The following CRYGA variants were observed in gnomAD, a reference collection of about 807,000 sequenced individuals.
CRYGA encodes the protein crystallin gamma A.
In CRYGA, 11 loss-of-function variants were observed where a neutral mutation model predicts 13.8. That is an observed-to-expected ratio of 0.80 (90% confidence interval 0.50 to 1.32). The LOEUF is 1.32. Among genes scored for constraint, CRYGA ranks in the 40% most tolerant of loss-of-function variants. The pLI, the probability that CRYGA is intolerant of heterozygous loss-of-function variation, is 0.00. For synonymous variants in CRYGA, 97 were observed against 89.3 expected, an observed-to-expected ratio of 1.09 and a Z score of -0.48; for missense variants, 271 against 234.1, an observed-to-expected ratio of 1.16 and a Z score of -1.03.
chr2:208,163,525 G>T (rs778898033), intron 1 of CRYGA, 23 bp downstream of exon 1: 9 of 1,611,200 alleles, frequency 5.6e-6, no homozygotes, highest in Non-Finnish European at 7.6e-6. Flanking sequence ...AATAGACATG[G>T]CACAGCACCT....
chr2:208,162,059 C>T (rs1208257013), intron 2 of CRYGA, among the ~76,000 whole-genome samples: 1 of 152,110 alleles, frequency 6.6e-6, no homozygotes, highest in African/African-American at 2.4e-5. Flanking sequence ...GTCTTAGCCT[C>T]CTGCTTAGCT....
Position 208,160,880 on chromosome 2 carries a change from TC to T in CRYGA, c.448del (p.Asp150ThrfsTer18). On this transcript the variant is annotated frameshift_variant, in exon 3 of 3. Transcript: ENST00000304502. LOFTEE classifies it high-confidence loss of function. ...CCCCCAGTCGTGGTACCTTCTGTAG[TC>T]CCCAGGCCTCAGCAGATACTGCCGC... is the stretch of plus-strand genomic sequence containing the variant. ...RGRQYLLRPGDYRRYHDWGGA... is the reference protein window; with the variant it reads ...RGRQYLLRPGXYRRYHDWGGA... 1 of 1,612,402 alleles carries T rather than the reference TC, an allele frequency of 6.2e-7. No individual in the cohort carries two copies. The highest frequency in any genetic ancestry group is 8.5e-7 in the Non-Finnish European group (1 of 1,178,592).
In CRYGA at chr2:208,161,057, C is replaced by T. The variant is rs1451951640; in HGVS notation, c.272G>A (p.Arg91Lys). The T allele has an allele frequency of 1.2e-6, 2 of 1,614,100 alleles. No homozygotes were observed. The highest frequency in any genetic ancestry group is 1.3e-5 in the African/African-American group (1 of 75,028). The change falls in exon 3 of 3, where the codon AGG becomes AAG. Residue 91 changes from arginine to lysine, a missense_variant. Arg to Lys is a conservative substitution (Grantham distance 26). Coordinates refer to ENST00000304502, the MANE Select transcript of CRYGA (RefSeq NM_014617.4). ...TCGGTAGTCATCTCTCTCGTACAGC[C>T]TTAACTTGTGCGAGCTGGTCTGTCA... ...IIPHTSSHKL[R>K]LYERDDYRGL...
At position 208,160,928 on chromosome 2, in the gene CRYGA, T is replaced by A. The variant is rs371947145; in HGVS notation, c.401A>T (p.Tyr134Phe). Reference sequence around the variant, plus strand: ...CCGCCCCCGGTAGTTGGGCATTTCATAGAGGACCCAGCAGCCCTCCAGTAC... The same window carrying A: ...CCGCCCCCGGTAGTTGGGCATTTCAAAGAGGACCCAGCAGCCCTCCAGTAC... ...LHVLEGCWVLYEMPNYRGRQY... is the reference protein window; with the variant it reads ...LHVLEGCWVLFEMPNYRGRQY... The change falls in exon 3 of 3, where the codon TAT (tyrosine) becomes TTT (phenylalanine). Residue 134 changes from tyrosine to phenylalanine, a missense_variant. By Grantham distance (22) the Tyr-to-Phe change is conservative. Transcript: ENST00000304502. The A allele has an allele frequency of 1.2e-6, 2 of 1,613,892 alleles. No individual in the cohort carries two copies. The highest frequency in any genetic ancestry group is 1.7e-6 in the Non-Finnish European group (2 of 1,179,936).
In CRYGA at chr2:208,160,895, A is replaced by C. The variant is rs542764482; in HGVS notation, c.434T>G (p.Leu145Arg). The C allele has an allele frequency of 1.2e-6, 2 of 1,613,128 alleles. No individual in the cohort carries two copies. The highest frequency in any genetic ancestry group is 2.2e-5 in the South Asian group (2 of 91,046). ...CCTTCTGTAGTCCCCAGGCCTCAGC[A>C]GATACTGCCGCCCCCGGTAGTTGGG... is the stretch of plus-strand genomic sequence containing the variant. ...EMPNYRGRQY[L>R]LRPGDYRRYH... Residue 145 changes from leucine (L) to arginine (R), a missense_variant, in exon 3 of 3, where the codon CTG becomes CGG. Coordinates refer to ENST00000304502, the MANE Select transcript of CRYGA (RefSeq NM_014617.4).
At chr2:208,162,310 A>T (rs1264240783) in intron 2 of CRYGA, among the ~76,000 whole-genome samples, 1 of 152,214 alleles carries the variant, frequency 6.6e-6, no homozygotes, top group East Asian at 1.9e-4. Context: ...TACATGCTGC[A>T]CGTGATTAAA....
At position 208,163,283 on chromosome 2, in the gene CRYGA, AG is replaced by A; in HGVS notation, c.172del (p.Leu58CysfsTer24). The A allele has an allele frequency of 6.2e-7, 1 of 1,614,074 alleles. No homozygotes were observed. The highest frequency in any genetic ancestry group is 1.1e-5 in the South Asian group (1 of 91,072). On this transcript the variant is annotated frameshift_variant, in exon 2 of 3. Coordinates refer to ENST00000304502, the MANE Select transcript of CRYGA (RefSeq NM_014617.4). LOFTEE classifies it high-confidence loss of function. The part of the protein sequence containing the change: ...RPNYQGHQYF[L>X]RRGKYPDYQH... ...ATAGTCGGGGTACTTGCCTCGGCGCAGGAAGTACTGGTGGCCCTGGTAATTG... is the reference window on the plus strand; with the variant it reads ...ATAGTCGGGGTACTTGCCTCGGCGCAGAAGTACTGGTGGCCCTGGTAATTG...
Position 208,163,355 on chromosome 2 carries a change from T to C in CRYGA, c.101A>G (p.Asn34Ser). The C allele has an allele frequency of 6.2e-7, 1 of 1,613,550 alleles. No individual in the cohort carries two copies. The stretch of plus-strand genomic sequence containing the variant: ...GCAGCCGCTGTCTACTCGGATGGAG[T>C]TGCAGCGGCTGAAGTAGACCCGCAG... Reference protein sequence around the residue: ...PNLRVYFSRCNSIRVDSGCWM... With the variant: ...PNLRVYFSRCSSIRVDSGCWM... The change falls in exon 2 of 3, where the codon AAC (asparagine) becomes AGC (serine). Residue 34 changes from asparagine to serine, a missense_variant. Coordinates refer to ENST00000304502, the MANE Select transcript of CRYGA (RefSeq NM_014617.4).
Position 208,163,581 on chromosome 2 carries a change from A to G in CRYGA, c.-25T>C, listed in dbSNP as rs764529623. On this transcript the variant is annotated 5_prime_UTR_variant, in exon 1 of 3. An upstream start codon of the reference 5' UTR is lost. Coordinates refer to ENST00000304502, the MANE Select transcript of CRYGA (RefSeq NM_014617.4). ...TGGTTGTTGACAGAGGGTGATTAGC[A>G]TCTAGTATGATAGGGACAAAGGGGC... The G allele has an allele frequency of 1.2e-6, 2 of 1,606,728 alleles. No individual in the cohort carries two copies. Among genetic ancestry groups the G allele is most frequent in the Non-Finnish European group, 1.7e-6 (2 of 1,177,276 alleles).
At position 208,160,969 on chromosome 2, in the gene CRYGA, C is replaced by T. The variant is rs1408500587; in HGVS notation, c.360G>A (p.Glu120=). 11 of 1,613,988 alleles carry T rather than the reference C, an allele frequency of 6.8e-6. No individual in the cohort carries two copies. Among genetic ancestry groups the T allele is most frequent in the Non-Finnish European group, 9.3e-6 (11 of 1,179,958 alleles). The change falls in exon 3 of 3, where the codon GAG becomes GAA. Residue 120 remains glutamate, a synonymous_variant. Coordinates refer to ENST00000304502, the MANE Select transcript of CRYGA (RefSeq NM_014617.4). ...ACVPELFRLP[E]IYSLHVLEGC... ...CCTCCAGTACGTGGAGGGAATAGAT[C>T]TCAGGGAGACGGAACAGTTCTGGAA...
At chr2:208,161,448 G>A (rs1695756665) in intron 2 of CRYGA, among the ~76,000 whole-genome samples, 1 of 35,516 alleles carries the variant, frequency 2.8e-5, no homozygotes, top group Non-Finnish European at 8.2e-5. Flanking sequence ...CCAAAATGTT[G>A]GGATTACAAA....
intron 2 of CRYGA, among the ~76,000 whole-genome samples, chr2:208,162,577 G>A (rs1221815564): frequency 2.0e-5 from 3 of 151,908 alleles, no homozygotes; most frequent in Non-Finnish European, 4.4e-5. Context: ...AATTATCATG[G>A]CCGGGCGCAG....
chr2:208,162,833 G>A (rs1341693152), intron 2 of CRYGA, among the ~76,000 whole-genome samples: 1 of 146,776 alleles, frequency 6.8e-6, no homozygotes, highest in Non-Finnish European at 1.5e-5. Context: ...GAGCGAAAGC[G>A]AAGTTCTGTC....
Position 208,163,265 on chromosome 2 carries a change from G to A in CRYGA, c.191C>T (p.Pro64Leu), listed in dbSNP as rs763539665. Residue 64 changes from proline to leucine, a missense_variant, in exon 2 of 3, where the codon CCC (proline) becomes CTC (leucine). Physicochemically the swap from Pro to Leu is moderately conservative, Grantham distance 98. Transcript: ENST00000304502. ...HQYFLRRGKY[P>L]DYQHWMGLSD... ...GAGGCCCATCCAGTGCTGATAGTCG[G>A]GGTACTTGCCTCGGCGCAGGAAGTA... is the stretch of plus-strand genomic sequence containing the variant. The A allele has an allele frequency of 6.2e-7, 1 of 1,614,016 alleles. No individual in the cohort carries two copies. The highest frequency in any genetic ancestry group is 2.2e-5 in the East Asian group (1 of 44,860).
Position 208,163,343 on chromosome 2 carries a change from A to G in CRYGA, c.113T>C (p.Val38Ala), listed in dbSNP as rs1190534326. ...VYFSRCNSIR[V>A]DSGCWMLYER... ...ATAGAGCATCCAGCAGCCGCTGTCT[A>G]CTCGGATGGAGTTGCAGCGGCTGAA... is the stretch of plus-strand genomic sequence containing the variant. The change falls in exon 2 of 3, where the codon GTA becomes GCA. Residue 38 changes from valine (V) to alanine (A), a missense_variant. Coordinates refer to ENST00000304502, the MANE Select transcript of CRYGA (RefSeq NM_014617.4). 1.2e-6 allele frequency: 2 copies of G among 1,613,858 alleles called. No homozygotes were observed. Among genetic ancestry groups the G allele is most frequent in the South Asian group, 1.1e-5 (1 of 91,058 alleles).
chr2:208,163,199 C>CTTG lies in CRYGA; in HGVS notation c.252+4_252+5insCAA, dbSNP rs1695794894. 1 of 1,610,322 alleles carries CTTG rather than the reference C, an allele frequency of 6.2e-7. No homozygotes were observed. The highest frequency in any genetic ancestry group is 8.5e-7 in the Non-Finnish European group (1 of 1,177,936). ...TCACATCAGTCAAGTTGAAGCAAGA[C>CTTG]TCACATGAGGAATTATACGGCAGGA... On this transcript the variant is annotated splice_donor_region_variant and intron_variant, in intron 2 of 2. Coordinates refer to ENST00000304502, the MANE Select transcript of CRYGA (RefSeq NM_014617.4).
In CRYGA at chr2:208,163,322, A is replaced by T; in HGVS notation, c.134T>A (p.Leu45His). The T allele has an allele frequency of 6.2e-7, 1 of 1,613,990 alleles. No homozygotes were observed. The highest frequency in any genetic ancestry group is 8.5e-7 in the Non-Finnish European group (1 of 1,180,008). The change falls in exon 2 of 3, where the codon CTC becomes CAC. Residue 45 changes from leucine to histidine, a missense_variant. Transcript: ENST00000304502. ...GCCCTGGTAATTGGGACGCTCATAG[A>T]GCATCCAGCAGCCGCTGTCTACTCG... Reference protein sequence around the residue: ...SIRVDSGCWMLYERPNYQGHQ... With the variant: ...SIRVDSGCWMHYERPNYQGHQ...
intron 2 of CRYGA, among the ~76,000 whole-genome samples, chr2:208,162,289 G>A (rs911939746): frequency 1.3e-5 from 2 of 152,156 alleles, no homozygotes; most frequent in African/African-American, 4.8e-5. Context: ...GGTGCCAACA[G>A]AAAGTGTAAA....
At chr2:208,161,169 C>T in intron 2 of CRYGA, 93 bp from the exon 3 acceptor site, 1 of 1,246,370 alleles carries the variant, frequency 8.0e-7, no homozygotes, top group Non-Finnish European at 1.1e-6. Context: ...CTTCATGAAG[C>T]ATGGCTTTTA....
Sources: allele counts gnomAD v4.1 joint callset (sites outside exome capture counted in the v4.1 genomes callset), GRCh38; gene constraint gnomAD v4.1.1; transcripts MANE v1.5; gene names NCBI Gene and HGNC (gene_info 2026-07-23, HGNC 2026-07-21).